Variants in RBFOX1 observed in about 807,000 individuals in gnomAD.
RBFOX1 encodes RNA binding protein fox-1 homolog 1.
A neutral mutation model predicts 57.7 loss-of-function variants in RBFOX1; 8 were observed. The ratio of observed to expected loss-of-function variants is 0.14; its 90% CI spans 0.08 to 0.25. RBFOX1 has a LOEUF of 0.25. Ranked by LOEUF, RBFOX1 falls within the 10% of genes least tolerant of loss-of-function variation. The probability of loss-of-function intolerance (pLI) is 1.00; values close to 1 mark genes in which losing one functional copy is unlikely to be tolerated. For synonymous variants in RBFOX1, 326 were observed against 222.4 expected, an observed-to-expected ratio of 1.47 and a Z score of -4.15; for missense variants, 611 against 548.5, an observed-to-expected ratio of 1.11 and a Z score of -1.14.
intron 3 of RBFOX1, among the ~76,000 whole-genome samples, chr16:6,664,788 T>A (rs1424315821): frequency 6.6e-6 from 1 of 152,194 alleles, no homozygotes; most frequent in Non-Finnish European, 1.5e-5. Flanking sequence ...TGTTCACTCC[T>A]CCTAATTTAT....
At chr16:6,246,574 G>A (rs1380662016) in intron 1 of RBFOX1, among the ~76,000 whole-genome samples, 2 of 152,252 alleles carry the variant, frequency 1.3e-5, no homozygotes, top group African/African-American at 4.8e-5. Flanking sequence ...CCATGGGTTG[G>A]AAAAGTAATT....
chr16:5,643,855 C>A (rs2048961468), intron 3 of RBFOX1, among the ~76,000 whole-genome samples: 1 of 152,168 alleles, frequency 6.6e-6, no homozygotes, highest in Admixed American at 6.5e-5. Flanking sequence ...ATGGAGCTCA[C>A]CCTGCACACG....
rs117211574 is a variant in RBFOX1 at position 6,990,071 on chromosome 16, C to G, written c.-15-61986C>G. ...TTTAGCTCCCCTGTACTAGAATATA[C>G]TCTTCAAGAGGTCAGATACTGCTTG... On this transcript the variant is annotated intron_variant, in intron 3 of 15. Transcript: ENST00000550418. Among the ~76,000 whole-genome samples, 882 of 152,280 alleles carry G rather than the reference C, an allele frequency of 5.8e-3. 5 individuals are homozygous for G. Among genetic ancestry groups the G allele is most frequent in the Non-Finnish European group, 9.1e-3 (622 of 68,026 alleles).
At chr16:7,254,243 G>A (rs1319795705) in intron 4 of RBFOX1, among the ~76,000 whole-genome samples, 1 of 152,164 alleles carries the variant, frequency 6.6e-6, no homozygotes, top group Admixed American at 6.6e-5. Flanking sequence ...GAGCTGTTTG[G>A]CAGCAAGGAC....
intron 3 of RBFOX1, among the ~76,000 whole-genome samples, chr16:5,708,720 G>T (rs1446223470): frequency 6.6e-6 from 1 of 152,128 alleles, no homozygotes; most frequent in Non-Finnish European, 1.5e-5. Context: ...TCTGGCACCG[G>T]CTTGGGCAAT....
intron 2 of RBFOX1, among the ~76,000 whole-genome samples, chr16:5,512,943 T>C (rs1187891242): frequency 6.6e-6 from 1 of 152,078 alleles, no homozygotes; most frequent in Non-Finnish European, 1.5e-5. Flanking sequence ...TGAGACAGGG[T>C]CTCAGTTTGT....
chr16:6,910,057 C>G (rs1242198403), intron 3 of RBFOX1, among the ~76,000 whole-genome samples: 3 of 152,034 alleles, frequency 2.0e-5, no homozygotes, highest in African/African-American at 7.3e-5. Flanking sequence ...GGCTACAAGT[C>G]TCCTAGGAAG....
intron 2 of RBFOX1, among the ~76,000 whole-genome samples, chr16:6,633,625 G>C (rs927695828): frequency 2.0e-5 from 3 of 152,086 alleles, no homozygotes; most frequent in Non-Finnish European, 2.9e-5. Flanking sequence ...TCAACAGACT[G>C]TTTAACTTGG....
intron 10 of RBFOX1, among the ~76,000 whole-genome samples, chr16:7,612,707 G>T (rs1157358525): frequency 6.6e-6 from 1 of 152,026 alleles, no homozygotes; most frequent in African/African-American, 2.4e-5. Flanking sequence ...TAATCTTCAT[G>T]AATAAGTAAA....
chr16:7,088,954 A>G lies in RBFOX1; in HGVS notation c.27+36856A>G, dbSNP rs148171742. 3.3e-4 allele frequency among the ~76,000 whole-genome samples: 50 copies of G among 152,292 alleles called. 1 individual carries two copies. The highest frequency in any genetic ancestry group is 1.7e-3 in the East Asian group (9 of 5,164). Reference sequence around the variant, plus strand: ...CCCTGCTCTGGTTCAACTCAGATCTATGAACTCTCTTTGCTGTAAAGGAAG... The same window carrying G: ...CCCTGCTCTGGTTCAACTCAGATCTGTGAACTCTCTTTGCTGTAAAGGAAG... On this transcript the variant is annotated intron_variant, in intron 4 of 15. Coordinates refer to ENST00000550418, the MANE Select transcript of RBFOX1 (RefSeq NM_018723.4).
At chr16:7,502,031 C>T (rs899197869) in intron 4 of RBFOX1, among the ~76,000 whole-genome samples, 14 of 152,178 alleles carry the variant, frequency 9.2e-5, no homozygotes, top group Admixed American at 2.6e-4. Context: ...ATTGCCCTTG[C>T]TTTCTGGCAA....
At chr16:6,914,794 A>T (rs1005939913) in intron 3 of RBFOX1, among the ~76,000 whole-genome samples, 1 of 152,190 alleles carries the variant, frequency 6.6e-6, no homozygotes, top group African/African-American at 2.4e-5. Context: ...AGGCAGAAAC[A>T]ACAAGATCGC....
intron 3 of RBFOX1, among the ~76,000 whole-genome samples, chr16:6,913,088 T>G (rs551370004): frequency 6.6e-5 from 10 of 152,248 alleles, no homozygotes; most frequent in South Asian, 2.1e-4. Flanking sequence ...AAAACCATTA[T>G]GGAAGCAACG....
upstream of RBFOX1, among the ~76,000 whole-genome samples, chr16:6,017,722 T>C (rs979277992): frequency 6.6e-5 from 10 of 152,210 alleles, no homozygotes; most frequent in African/African-American, 2.4e-4. Flanking sequence ...GTTCCCTTTC[T>C]TTTATTCTGA....
intron 4 of RBFOX1, among the ~76,000 whole-genome samples, chr16:7,336,039 T>C (rs184856368): frequency 1.3e-5 from 2 of 152,338 alleles, no homozygotes; most frequent in Admixed American, 1.3e-4. Flanking sequence ...CCGATGTTGA[T>C]ATCTTTGGAT....
chr16:7,399,936 G>T (rs539720326), intron 4 of RBFOX1, among the ~76,000 whole-genome samples: 2 of 152,168 alleles, frequency 1.3e-5, no homozygotes, highest in Non-Finnish European at 2.9e-5. Context: ...ACACTTTTCT[G>T]TGGGCGATGA....
chr16:5,480,570 G>T (rs1281431745), intron 2 of RBFOX1, among the ~76,000 whole-genome samples: 5 of 152,206 alleles, frequency 3.3e-5, no homozygotes, highest in Non-Finnish European at 7.3e-5. Flanking sequence ...CAGTCCACCA[G>T]CCCAGCCTAT....
chr16:5,858,648 C>T (rs927337979), intron 3 of RBFOX1, among the ~76,000 whole-genome samples: 1 of 152,198 alleles, frequency 6.6e-6, no homozygotes, highest in African/African-American at 2.4e-5. Context: ...TATTTCATTC[C>T]TGACAGTGAG....
intron 4 of RBFOX1, among the ~76,000 whole-genome samples, chr16:7,123,459 G>T (rs910823102): frequency 4.6e-5 from 7 of 152,138 alleles, no homozygotes; most frequent in African/African-American, 1.7e-4. Context: ...TGACCTCCTG[G>T]GCTCAGGTGA....
Sources: allele counts gnomAD v4.1 joint callset (sites outside exome capture counted in the v4.1 genomes callset), GRCh38; gene constraint gnomAD v4.1.1; transcripts MANE v1.5; gene names NCBI Gene and HGNC (gene_info 2026-07-23, HGNC 2026-07-21).